The following PCDH15 variants were observed in gnomAD, a reference collection of about 807,000 sequenced individuals.
The protein encoded by PCDH15 is protocadherin related 15.
PCDH15 carries 129 observed loss-of-function variants against 178.5 expected under a neutral mutation model. The observed-to-expected ratio is 0.72, with a 90% CI of 0.63 to 0.84. The LOEUF (loss-of-function observed/expected upper bound fraction) is 0.84. PCDH15 is among the 40% of genes least tolerant of loss of function. The pLI, the probability that PCDH15 is intolerant of heterozygous loss-of-function variation, is 0.00. For synonymous variants in PCDH15, 800 were observed against 732.0 expected (o/e 1.09, Z -1.50); for missense variants, 2,230 against 2,099.9 (o/e 1.06, Z -1.21).
At chr10:55,606,467 G>A (rs997323829) in intron 2 of PCDH15, among the ~76,000 whole-genome samples, 25 of 150,910 alleles carry the variant, frequency 1.7e-4, no homozygotes, top group African/African-American at 5.6e-4. Flanking sequence ...GAACAAAGCT[G>A]GAGGCATCAC....
intron 2 of PCDH15, among the ~76,000 whole-genome samples, chr10:55,091,645 A>G (rs1016561299): frequency 1.3e-5 from 2 of 151,934 alleles, no homozygotes; most frequent in African/African-American, 2.4e-5. Flanking sequence ...TCATTTAAAT[A>G]TGAGGAATAG....
chr10:55,087,699 C>T (rs1198355950), intron 2 of PCDH15, among the ~76,000 whole-genome samples: 1 of 152,090 alleles, frequency 6.6e-6, no homozygotes, highest in Non-Finnish European at 1.5e-5. Flanking sequence ...AGGGAAAAGA[C>T]AGTGTGAATT....
intron 23 of PCDH15, among the ~76,000 whole-genome samples, chr10:53,952,491 C>A (rs578230126): frequency 6.6e-6 from 1 of 152,174 alleles, no homozygotes; most frequent in South Asian, 2.1e-4. Context: ...TTATGGGCTT[C>A]AGAAGGGAGA....
rs372529228 is a variant in PCDH15 at position 53,804,653 on chromosome 10, G to A, written c.*1926C>T. 10 of 152,036 alleles carry A rather than the reference G, an allele frequency of 6.6e-5. No homozygotes were observed. The East Asian group carries it at 1.9e-3, about 29-fold the overall frequency. 9.4% of individuals were successfully genotyped at this position (152,036 alleles called of 1,614,324 possible). Reference sequence around the variant, plus strand: ...AAGGGATGCTGACTGAGATGATCTGGGGGTATCAAGATAATATTAAATTAT... The same window carrying A: ...AAGGGATGCTGACTGAGATGATCTGAGGGTATCAAGATAATATTAAATTAT... On this transcript the variant is annotated 3_prime_UTR_variant, in exon 38 of 38. Coordinates refer to ENST00000644397, the MANE Select transcript of PCDH15 (RefSeq NM_001384140.1).
intron 2 of PCDH15, among the ~76,000 whole-genome samples, chr10:55,010,792 C>T (rs920320516): frequency 2.2e-4 from 24 of 107,500 alleles, no homozygotes; most frequent in Admixed American, 5.6e-4. Flanking sequence ...GCATAAACAA[C>T]AACTTATAAA....
intron 3 of PCDH15, among the ~76,000 whole-genome samples, chr10:54,838,745 G>C (rs180857421): frequency 1.3e-5 from 2 of 152,118 alleles, no homozygotes; most frequent in Admixed American, 6.6e-5. Context: ...TGTACCTAGA[G>C]GCAGGCCTGT....
chr10:54,711,678 C>G (rs16906429), intron 1 of PCDH15, among the ~76,000 whole-genome samples: 2 of 151,618 alleles, frequency 1.3e-5, no homozygotes, highest in African/African-American at 2.4e-5. Flanking sequence ...CCAAAAATGT[C>G]GATAAATTCC....
intron 2 of PCDH15, among the ~76,000 whole-genome samples, chr10:54,650,349 C>A (rs185804620): frequency 1.3e-5 from 2 of 152,084 alleles, no homozygotes; most frequent in East Asian, 1.9e-4. Flanking sequence ...CTTTATAGTT[C>A]CCTGATCTCT....
chr10:54,121,998 C>CACAG (rs554352268), intron 15 of PCDH15, among the ~76,000 whole-genome samples: 1,792 of 108,018 alleles, frequency 0.017, 13 homozygotes, highest in Middle Eastern at 0.029. Context: ...CGGGCAAAGA[C>CACAG]ACATACACAC....
intron 27 of PCDH15, among the ~76,000 whole-genome samples, chr10:53,861,171 A>T (rs534632292): frequency 6.6e-6 from 1 of 152,160 alleles, no homozygotes; most frequent in Non-Finnish European, 1.5e-5. Context: ...AGATTAGTAG[A>T]TTTTATTTAT....
chr10:55,009,316 T>C (rs1840000175), intron 2 of PCDH15, among the ~76,000 whole-genome samples: 1 of 151,928 alleles, frequency 6.6e-6, no homozygotes, highest in Non-Finnish European at 1.5e-5. Flanking sequence ...AATTTGTAAT[T>C]AGGATACAGT....
intron 26 of PCDH15, among the ~76,000 whole-genome samples, chr10:53,883,169 A>C (rs1374519532): frequency 1.7e-5 from 1 of 59,000 alleles, no homozygotes; most frequent in Non-Finnish European, 2.7e-5. Context: ...ACACATATGC[A>C]TACACATACA....
intron 2 of PCDH15, among the ~76,000 whole-genome samples, chr10:55,528,810 C>G (rs1589113080): frequency 6.6e-6 from 1 of 152,228 alleles, no homozygotes; most frequent in African/African-American, 2.4e-5. Context: ...ACACTGACTT[C>G]CACAATGGTT....
intron 29 of PCDH15, 28 bp downstream of exon 29, chr10:53,840,292 G>A (rs2132759552): frequency 6.2e-7 from 1 of 1,604,512 alleles, no homozygotes; most frequent in East Asian, 2.2e-5. Context: ...TAACCAAAGA[G>A]CTGTTACAGA....
intron 23 of PCDH15, among the ~76,000 whole-genome samples, chr10:53,954,433 C>G (rs1361488208): frequency 6.6e-6 from 1 of 152,208 alleles, no homozygotes; most frequent in African/African-American, 2.4e-5. Context: ...TTTTGTTTCT[C>G]TGTCTAGCTA....
At chr10:54,987,206 T>C (rs1233333949) in intron 2 of PCDH15, among the ~76,000 whole-genome samples, 1 of 152,210 alleles carries the variant, frequency 6.6e-6, no homozygotes, top group Non-Finnish European at 1.5e-5. Context: ...CATCCTTTTT[T>C]AAGGCTGCAT....
chr10:55,229,089 T>C (rs17532940), intron 1 of PCDH15, among the ~76,000 whole-genome samples: 39,420 of 151,778 alleles, frequency 0.26, 5,422 homozygotes, highest in Middle Eastern at 0.36. Context: ...AGGTAAACTC[T>C]ATACAAATAA....
intron 1 of PCDH15, among the ~76,000 whole-genome samples, chr10:54,775,018 T>C (rs1949537706): frequency 6.6e-6 from 1 of 152,208 alleles, no homozygotes; most frequent in Admixed American, 6.5e-5. Context: ...AATTAGACTG[T>C]TTTATATCAA....
rs146075916 is a variant in PCDH15, at chr10:54,009,841, G to C, written c.2751+10351C>G. On this transcript the variant is annotated intron_variant, in intron 20 of 37. Coordinates refer to ENST00000644397, the MANE Select transcript of PCDH15 (RefSeq NM_001384140.1). ...CCCACCGGTGCCTCCAGGCTGACAC[G>C]GAGAACCATGTGGAGTCTTGGCAGA... Among the ~76,000 whole-genome samples, 140 of 152,296 alleles carry C rather than the reference G, an allele frequency of 9.2e-4. 1 individual carries two copies. The highest frequency in any genetic ancestry group is 3.3e-3 in the African/African-American group (136 of 41,562).
Sources: gnomAD v4.1 joint callset for allele counts (sites outside exome capture counted in the v4.1 genomes callset) on GRCh38, gnomAD v4.1.1 for gene constraint, MANE v1.5 for transcripts, NCBI Gene and HGNC (gene_info 2026-07-23, HGNC 2026-07-21) for gene names.